ZNF512: variants seen among roughly 807,000 people sequenced by gnomAD.
ZNF512 encodes the protein zinc finger protein 512.
A neutral mutation model predicts 77.5 loss-of-function variants in ZNF512; 25 were observed. That is an observed-to-expected ratio of 0.32 (90% CI 0.23 to 0.45). The LOEUF is 0.45. Ranked by LOEUF, ZNF512 falls within the 20% of genes least tolerant of loss-of-function variation. ZNF512 has a pLI of 1.00. For synonymous variants in ZNF512, 246 were observed against 239.9 expected (o/e 1.03, Z -0.24); for missense variants, 483 against 692.6 (o/e 0.70, Z 3.40).
At position 27,603,302 on chromosome 2, in the gene ZNF512, G is replaced by A; in HGVS notation, c.931G>A (p.Gly311Arg). 1 of 1,613,726 alleles carries A rather than the reference G, an allele frequency of 6.2e-7. No homozygotes were observed. The highest frequency in any genetic ancestry group is 8.5e-7 in the Non-Finnish European group (1 of 1,179,842). The change falls in exon 9 of 14, where the codon GGG (glycine) becomes AGG (arginine). Residue 311 changes from glycine (G) to arginine (R), a missense_variant. Physicochemically the swap from Gly to Arg is moderately radical, Grantham distance 125. Coordinates refer to ENST00000355467, the MANE Select transcript of ZNF512 (RefSeq NM_032434.4). ...TGCATATCACCTGAGGTCAGAGCAT[G>A]GGCCTGTGAGTACTGATTCCTTTCT... ...GLAYHLRSEHGPISFFPESGQ... is the reference protein window; with the variant it reads ...GLAYHLRSEHRPISFFPESGQ...
rs1572941956 is a variant in ZNF512, at chr2:27,622,270, T to G, written c.*809T>G. On this transcript the variant is annotated 3_prime_UTR_variant, in exon 14 of 14. Coordinates refer to ENST00000355467, the MANE Select transcript of ZNF512 (RefSeq NM_032434.4). ...TTGCCCTCTGAAGCTTATTTTTGCT[T>G]CTTTGGTTTTAAGAATTGAGAAATA... The G allele has an allele frequency of 6.6e-6, 1 of 152,562 alleles. No individual in the cohort carries two copies. The highest frequency in any genetic ancestry group is 2.1e-4 in the South Asian group (1 of 4,834). 9.5% of individuals were successfully genotyped at this position (152,562 alleles called of 1,614,324 possible).
intron 10 of ZNF512, among the ~76,000 whole-genome samples, chr2:27,608,972 G>T (rs1290330623): frequency 6.6e-6 from 1 of 151,890 alleles, no homozygotes; most frequent in Non-Finnish European, 1.5e-5. Context: ...AGCCTGGTGT[G>T]GTGGCAGGTG....
rs112915462 is a variant in ZNF512 at position 27,605,080 on chromosome 2, G to A, written c.936+1773G>A. ...ATTATATGGATGTTTCAAGTTTGTC[G>A]TTTATCTGCTTACCAGTTGAAGAAC... is the stretch of plus-strand genomic sequence containing the variant. On this transcript the variant is annotated intron_variant, in intron 9 of 13. Transcript: ENST00000355467. Among the ~76,000 whole-genome samples, 137 of 151,696 alleles carry A rather than the reference G, an allele frequency of 9.0e-4. 1 individual carries two copies. The highest frequency in any genetic ancestry group is 3.1e-3 in the African/African-American group (129 of 41,382).
chr2:27,605,476 G>A (rs1672310266), intron 9 of ZNF512, among the ~76,000 whole-genome samples: 1 of 151,710 alleles, frequency 6.6e-6, no homozygotes, highest in African/African-American at 2.4e-5. Context: ...TGAAAAGATT[G>A]TTGTGTTTTG....
At chr2:27,601,726 G>A (rs182162187) in intron 7 of ZNF512, among the ~76,000 whole-genome samples, 3 of 152,194 alleles carry the variant, frequency 2.0e-5, no homozygotes, top group East Asian at 1.9e-4. Context: ...TTGGCTCACC[G>A]CAACCTCCGC....
chr2:27,602,377 A>G, intron 7 of ZNF512, 86 bp from the exon 8 acceptor site: 2 of 1,362,282 alleles, frequency 1.5e-6, no homozygotes, highest in Non-Finnish European at 2.0e-6. Context: ...TGCCAGTCCA[A>G]TCCTTGATTC....
chr2:27,600,546 G>A lies in ZNF512; in HGVS notation c.458-145G>A, dbSNP rs80303105. The A allele has an allele frequency of 2.6e-3, 2,371 of 896,482 alleles. 42 individuals carry two copies. The African/African-American group carries it at 0.033, about 12-fold the overall frequency. 55.5% of individuals were successfully genotyped at this position (896,482 alleles called of 1,614,324 possible). A position where few individuals can be genotyped will look rare whatever the true frequency, so the allele number is the denominator to read the frequency against. On this transcript the variant is annotated intron_variant, in intron 5 of 13. Transcript: ENST00000355467. Reference sequence around the variant, plus strand: ...TGTCTAAAAAATACTACTTTTAGAAGTTATACCCAGCAAGAGCCTCTTCAT... The same window carrying A: ...TGTCTAAAAAATACTACTTTTAGAAATTATACCCAGCAAGAGCCTCTTCAT...
intron 2 of ZNF512, among the ~76,000 whole-genome samples, chr2:27,591,035 C>T (rs986093636): frequency 2.6e-5 from 4 of 151,854 alleles, no homozygotes; most frequent in Admixed American, 2.6e-4. Flanking sequence ...ATTTCTTTTT[C>T]CTTTTCTTTT....
intron 10 of ZNF512, among the ~76,000 whole-genome samples, chr2:27,611,697 A>ATTT (rs1265896912): frequency 7.3e-6 from 1 of 137,050 alleles, no homozygotes; most frequent in Non-Finnish European, 1.6e-5. Context: ...TGCCAGTAGC[A>ATTT]TTTTTTTTTT....
intron 2 of ZNF512, among the ~76,000 whole-genome samples, chr2:27,588,152 A>G (rs1671422254): frequency 6.6e-6 from 1 of 151,644 alleles, no homozygotes. Flanking sequence ...TTTGTCTTTC[A>G]TTTTCTTAAT....
rs11127071 is a variant in ZNF512, at chr2:27,615,191, C to A, written c.1155C>A (p.Leu385=). 824,823 of 1,594,718 alleles carry A rather than the reference C, an allele frequency of 0.52. 219,571 individuals carry two copies. The highest frequency in any genetic ancestry group is 0.86 in the East Asian group (37,859 of 44,248). ...DRKLKYTRPG[L]PTFSQEVLHK... Reference sequence around the variant, plus strand: ...AGTTAAAATATACTCGTCCAGGGCTCCCTACCTTCAGCCAGGAAGTACTAC... The same window carrying A: ...AGTTAAAATATACTCGTCCAGGGCTACCTACCTTCAGCCAGGAAGTACTAC... The change falls in exon 11 of 14, where the codon CTC becomes CTA. Residue 385 remains leucine, a synonymous_variant. Transcript: ENST00000355467.
chr2:27,586,752 A>G (rs1194530528), intron 2 of ZNF512, among the ~76,000 whole-genome samples: 1 of 152,162 alleles, frequency 6.6e-6, no homozygotes, highest in African/African-American at 2.4e-5. Flanking sequence ...AAGTTTGTTC[A>G]TGTCTCTGCC....
intron 2 of ZNF512, among the ~76,000 whole-genome samples, chr2:27,595,068 G>C (rs920311727): frequency 6.6e-6 from 1 of 152,176 alleles, no homozygotes; most frequent in Non-Finnish European, 1.5e-5. Flanking sequence ...TAGGGAGGTT[G>C]TAGCTAGGTG....
At chr2:27,617,328 A>G (rs1672924492) in intron 12 of ZNF512, 145 bp from the exon 13 acceptor site, 2 of 603,410 alleles carry the variant, frequency 3.3e-6, no homozygotes, top group Non-Finnish European at 6.0e-6. Context: ...TGGTTTTCCT[A>G]AATCTATTAC....
intron 2 of ZNF512, among the ~76,000 whole-genome samples, chr2:27,590,400 CA>C (rs1671522004): frequency 6.6e-6 from 1 of 152,096 alleles, no homozygotes; most frequent in South Asian, 2.1e-4. Flanking sequence ...TTGTATGATA[CA>C]ATTTTTTCAT....
chr2:27,588,762 T>C (rs907994730), intron 2 of ZNF512, among the ~76,000 whole-genome samples: 2 of 150,554 alleles, frequency 1.3e-5, no homozygotes, highest in African/African-American at 4.8e-5. Flanking sequence ...AGAAGCTTGC[T>C]GAGTATTGAT....
intron 10 of ZNF512, among the ~76,000 whole-genome samples, chr2:27,608,375 T>A (rs1383978566): frequency 6.6e-6 from 1 of 152,232 alleles, no homozygotes; most frequent in Admixed American, 6.5e-5. Flanking sequence ...GGTTTCAGTT[T>A]GTTTTGTAGT....
chr2:27,587,268 G>GTTTTTTTTTTT (rs57745266), intron 2 of ZNF512, among the ~76,000 whole-genome samples: 4 of 132,944 alleles, frequency 3.0e-5, no homozygotes, highest in African/African-American at 5.7e-5. Flanking sequence ...TAATTCATGG[G>GTTTTTTTTTTT]TTTTTTTTTT....
At chr2:27,607,723 A>T in intron 9 of ZNF512, 122 bp from the exon 10 acceptor site, 1 of 876,042 alleles carries the variant, frequency 1.1e-6, no homozygotes, top group Non-Finnish European at 1.7e-6. Flanking sequence ...ACTTGATGCT[A>T]GTGGTTAGCA....
Sources: allele counts gnomAD v4.1 joint callset (sites outside exome capture counted in the v4.1 genomes callset), GRCh38; gene constraint gnomAD v4.1.1; transcripts MANE v1.5; gene names NCBI Gene and HGNC (gene_info 2026-07-23, HGNC 2026-07-21).